Variants in IGF2R observed in about 807,000 individuals in gnomAD.
IGF2R encodes cation-independent mannose-6-phosphate receptor.
In IGF2R, 91 loss-of-function variants were observed where a neutral mutation model predicts 270.6. That is an observed-to-expected ratio of 0.34 (90% confidence interval 0.28 to 0.40). The LOEUF (loss-of-function observed/expected upper bound fraction) is 0.40. Among genes scored for constraint, IGF2R ranks in the 10% least tolerant of loss-of-function variants. The pLI is 1.00. For synonymous variants in IGF2R, 1,316 were observed against 1,258.9 expected, an observed-to-expected ratio of 1.05 and a Z score of -0.96; for missense variants, 2,805 against 3,188.3, an observed-to-expected ratio of 0.88 and a Z score of 2.90.
At position 160,019,234 on chromosome 6, in the gene IGF2R, C is replaced by T. The variant is rs562936894; in HGVS notation, c.514-5338C>T. 1.6e-4 allele frequency among the ~76,000 whole-genome samples: 24 copies of T among 152,148 alleles called. 1 individual carries two copies. Among genetic ancestry groups the T allele is most frequent in the Middle Eastern group, 3.4e-3 (1 of 294 alleles). ...AACATTCAAGTTCCTGAGATTCAAC[C>T]AGGAAGAAATAGAAATTCCAAAAAG... On this transcript the variant is annotated intron_variant, in intron 4 of 47. Coordinates refer to ENST00000356956, the MANE Select transcript of IGF2R (RefSeq NM_000876.4).
rs1189334679 is a variant in IGF2R at position 160,028,841 on chromosome 6, T to A, written c.777-709T>A. ...CTGCTTGTCTGCCTTTTTTTTTTTT[T>A]AATTTTGTTATCTCATTTACAACCG... On this transcript the variant is annotated intron_variant, in intron 6 of 47. Transcript: ENST00000356956. 4.6e-5 allele frequency among the ~76,000 whole-genome samples: 7 copies of A among 152,054 alleles called. No homozygotes were observed. The South Asian group carries it at 8.3e-4, about 18-fold the overall frequency.
intron 38 of IGF2R, 138 bp downstream of exon 38, chr6:160,079,925 C>T: frequency 1.0e-6 from 1 of 959,496 alleles, no homozygotes; most frequent in Non-Finnish European, 1.6e-6. Context: ...GTGAGCTGTT[C>T]CTCTGTACAC....
intron 2 of IGF2R, chr6:160,007,759 T>A (rs1184385030): frequency 6.6e-6 from 1 of 152,236 alleles, no homozygotes; most frequent in Non-Finnish European, 1.5e-5. Context: ...TAGAGATTCT[T>A]GATGCTGGTT....
intron 29 of IGF2R, among the ~76,000 whole-genome samples, chr6:160,067,169 C>T (rs528330152): frequency 1.3e-5 from 2 of 152,272 alleles, no homozygotes; most frequent in Admixed American, 6.5e-5. Context: ...TCCAGCCACA[C>T]GGGGTTTCTG....
At chr6:160,040,761 T>C (rs8191774) in intron 11 of IGF2R, 37 bp downstream of exon 11, 26,234 of 1,576,974 alleles carry the variant, frequency 0.017, 286 homozygotes, top group Middle Eastern at 0.052. Context: ...TTAGTCCACA[T>C]GCTCATGGAA....
chr6:159,976,778 T>A (rs1366689395), intron 1 of IGF2R, among the ~76,000 whole-genome samples: 2 of 152,210 alleles, frequency 1.3e-5, no homozygotes, highest in Non-Finnish European at 2.9e-5. Context: ...TTGGGGGTTT[T>A]AAATTTATTT....
At chr6:160,041,697 C>T (rs1777950430) in intron 11 of IGF2R, among the ~76,000 whole-genome samples, 1 of 152,212 alleles carries the variant, frequency 6.6e-6, no homozygotes, top group Non-Finnish European at 1.5e-5. Context: ...AGGAATCCCT[C>T]TTGTGGAGTG....
intron 28 of IGF2R, 86 bp from the exon 29 acceptor site, chr6:160,064,718 C>A: frequency 8.8e-7 from 1 of 1,142,042 alleles, no homozygotes; most frequent in Non-Finnish European, 1.3e-6. Context: ...CGTAACCATT[C>A]TTTACTATTT....
chr6:160,040,746 G>C, intron 11 of IGF2R, 22 bp downstream of exon 11: 1 of 1,603,522 alleles, frequency 6.2e-7, no homozygotes, highest in Non-Finnish European at 8.5e-7. Flanking sequence ...CTTGCCATGC[G>C]GGTCTTAGTC....
intron 4 of IGF2R, 24 bp from the exon 5 acceptor site, chr6:160,024,548 C>G (rs766300847): frequency 2.5e-6 from 4 of 1,612,806 alleles, no homozygotes; most frequent in Non-Finnish European, 3.4e-6. Context: ...ACTGAAGACT[C>G]ACTTTTTTCT....
Position 160,032,985 on chromosome 6 carries a change from G to A in IGF2R, c.1089G>A (p.Leu363=). 1.9e-6 allele frequency: 3 copies of A among 1,603,266 alleles called. No individual in the cohort carries two copies. The highest frequency in any genetic ancestry group is 2.6e-6 in the Non-Finnish European group (3 of 1,170,540). The change falls in exon 9 of 48, where the codon TTG becomes TTA. Residue 363 remains leucine (L), a synonymous_variant. Coordinates refer to ENST00000356956, the MANE Select transcript of IGF2R (RefSeq NM_000876.4). ...ISDGKEYLFY[L]NVCGETEIQF... ...ATGGAAAAGAATATTTGTTTTATTTGAATGTCTGTGGAGAAACTGAAATAC... is the reference window on the plus strand; with the variant it reads ...ATGGAAAAGAATATTTGTTTTATTTAAATGTCTGTGGAGAAACTGAAATAC...
intron 1 of IGF2R, 35 bp downstream of exon 1, chr6:159,969,430 G>A: frequency 8.4e-7 from 1 of 1,191,562 alleles, no homozygotes; most frequent in East Asian, 3.5e-5. Context: ...CTCCGCTCGC[G>A]GTGCCCGGGG....
chr6:160,049,061 C>T (rs893961203), intron 18 of IGF2R, among the ~76,000 whole-genome samples: 1 of 152,142 alleles, frequency 6.6e-6, no homozygotes, highest in African/African-American at 2.4e-5. Flanking sequence ...AAAGAGATGT[C>T]TCTGGACATC....
chr6:159,980,746 G>A (rs529866645), intron 1 of IGF2R, among the ~76,000 whole-genome samples: 30 of 152,080 alleles, frequency 2.0e-4, no homozygotes, highest in African/African-American at 7.2e-4. Context: ...GGTCTGGGAG[G>A]GTTTTCTGGG....
At chr6:160,065,506 G>A (rs549477540) in intron 29 of IGF2R, among the ~76,000 whole-genome samples, 2 of 152,254 alleles carry the variant, frequency 1.3e-5, no homozygotes, top group South Asian at 4.1e-4. Context: ...AGGAACGTAT[G>A]TAAATGCAAG....
At chr6:160,043,015 C>G in intron 11 of IGF2R, 133 bp from the exon 12 acceptor site, 3 of 885,818 alleles carry the variant, frequency 3.4e-6, no homozygotes, top group Non-Finnish European at 5.1e-6. Flanking sequence ...GTTCCAGAAA[C>G]AGCGCTGGGG....
intron 1 of IGF2R, among the ~76,000 whole-genome samples, chr6:159,980,839 G>A (rs1783788925): frequency 6.6e-6 from 1 of 152,182 alleles, no homozygotes; most frequent in Non-Finnish European, 1.5e-5. Flanking sequence ...AAAGGCGGTT[G>A]GCCTCAGACA....
rs758227931 is a variant in IGF2R at position 160,061,590 on chromosome 6, A to G, written c.3350A>G (p.Lys1117Arg). The part of the protein sequence containing the change: ...TAVDTSVDGR[K>R]RTFYLSVCNP... ...GTTGACACCTCTGTCGATGGGAGAA[A>G]GAGGACTTTCTATTTGAGCGTTTGC... Residue 1117 changes from lysine (K) to arginine (R), a missense_variant, in exon 24 of 48, where the codon AAG becomes AGG. By Grantham distance (26) the Lys-to-Arg change is conservative. Around this residue, in one of 2 missense-constraint regions of IGF2R, gnomAD observed 1,851 missense variants for 2,207.2 expected, o/e 0.84. Transcript: ENST00000356956. 1.9e-6 allele frequency: 3 copies of G among 1,614,168 alleles called. No individual in the cohort carries two copies. The highest frequency in any genetic ancestry group is 2.5e-6 in the Non-Finnish European group (3 of 1,179,996).
chr6:159,980,293 G>A (rs1248619992), intron 1 of IGF2R, among the ~76,000 whole-genome samples: 1 of 152,176 alleles, frequency 6.6e-6, no homozygotes, highest in East Asian at 1.9e-4. Context: ...GAGATCCCTA[G>A]GTGAGGGTTG....
Sources: gnomAD v4.1 joint callset for allele counts (sites outside exome capture counted in the v4.1 genomes callset) on GRCh38, gnomAD v4.1.1 for gene constraint, gnomAD v4.1.1 regional missense constraint, MANE v1.5 for transcripts, NCBI Gene and HGNC (gene_info 2026-07-23, HGNC 2026-07-21) for gene names.